Variants in CLSTN2 observed in about 807,000 individuals in gnomAD.
The protein encoded by CLSTN2 is calsyntenin 2.
In CLSTN2, 48 loss-of-function variants were observed where a neutral mutation model predicts 101.2. The ratio of observed to expected loss-of-function variants is 0.47; its 90% CI spans 0.38 to 0.60. The LOEUF is 0.60. CLSTN2 is among the 20% of genes least tolerant of loss of function. CLSTN2 has a pLI of 0.00. For missense variants in CLSTN2, 1,160 were observed against 1,238.2 expected (o/e 0.94, Z 0.95); for synonymous variants, 481 against 463.6 (o/e 1.04, Z -0.48).
rs552581294 is a variant in CLSTN2 at position 140,060,915 on chromosome 3, G to A, written c.110-115036G>A. Among the ~76,000 whole-genome samples the A allele has an allele frequency of 2.0e-5, 3 of 152,268 alleles. No homozygotes were observed. The South Asian group carries it at 6.2e-4, about 32-fold the overall frequency. On this transcript the variant is annotated intron_variant, in intron 1 of 16. Coordinates refer to ENST00000458420, the MANE Select transcript of CLSTN2 (RefSeq NM_022131.3). Reference sequence around the variant, plus strand: ...TGCCAAGCCAAGCAAATCCAGAGAAGGATGAATTTCTGCCTTCAGTGAGTT... The same window carrying A: ...TGCCAAGCCAAGCAAATCCAGAGAAAGATGAATTTCTGCCTTCAGTGAGTT...
At chr3:140,304,758 T>G (rs917031575) in intron 2 of CLSTN2, among the ~76,000 whole-genome samples, 1 of 152,098 alleles carries the variant, frequency 6.6e-6, no homozygotes, top group East Asian at 1.9e-4. Context: ...GGGTTAGTGG[T>G]GTGTAGTGGA....
At chr3:140,069,538 T>C (rs2008356896) in intron 1 of CLSTN2, among the ~76,000 whole-genome samples, 1 of 152,214 alleles carries the variant, frequency 6.6e-6, no homozygotes, top group Non-Finnish European at 1.5e-5. Context: ...CTTCCATGCC[T>C]GAATGACAAG....
chr3:140,087,582 T>C (rs1322789983), intron 1 of CLSTN2, among the ~76,000 whole-genome samples: 3 of 152,232 alleles, frequency 2.0e-5, no homozygotes, highest in Non-Finnish European at 2.9e-5. Context: ...ATTGTTGTGC[T>C]GTGGATAATG....
chr3:140,427,240 T>TATAC (rs2088581760), intron 5 of CLSTN2, among the ~76,000 whole-genome samples: 84 of 123,186 alleles, frequency 6.8e-4, no homozygotes, highest in East Asian at 2.1e-3. Context: ...TATATATATA[T>TATAC]ATATACATAT....
chr3:140,404,570 T>C lies in CLSTN2; in HGVS notation c.441T>C (p.His147=), dbSNP rs778232368. ...TGTGTGGTCCCAGGGCCGTGGTCCA[T>C]ATACAGGTGAAGGATGTCAACGAGT... ...AWKKSHKAVV[H]IQVKDVNEFA... The change falls in exon 4 of 17, where the codon CAT becomes CAC. Residue 147 remains histidine (H), a synonymous_variant. Coordinates refer to ENST00000458420, the MANE Select transcript of CLSTN2 (RefSeq NM_022131.3). 4.3e-6 allele frequency: 7 copies of C among 1,613,998 alleles called. No homozygotes were observed. The African/African-American group carries it at 6.7e-5, about 15-fold the overall frequency.
intron 1 of CLSTN2, among the ~76,000 whole-genome samples, chr3:139,968,242 T>A (rs1560056942): frequency 6.6e-6 from 1 of 152,204 alleles, no homozygotes; most frequent in African/African-American, 2.4e-5. Context: ...TTTGTTCCCT[T>A]GGAACAGTGC....
intron 1 of CLSTN2, among the ~76,000 whole-genome samples, chr3:140,064,628 A>G (rs2008267281): frequency 6.6e-6 from 1 of 152,242 alleles, no homozygotes; most frequent in Non-Finnish European, 1.5e-5. Context: ...TACCTTCTGA[A>G]TCAATGAGAA....
chr3:140,533,143 T>C (rs1031789727), intron 9 of CLSTN2, among the ~76,000 whole-genome samples: 2 of 152,202 alleles, frequency 1.3e-5, no homozygotes, highest in African/African-American at 4.8e-5. Context: ...CTAATCTCCT[T>C]GGGATCAGGA....
In CLSTN2 at chr3:140,404,744, G is replaced by A; in HGVS notation, c.615G>A (p.Val205=). 2 of 1,614,200 alleles carry A rather than the reference G, an allele frequency of 1.2e-6. No individual in the cohort carries two copies. The highest frequency in any genetic ancestry group is 1.1e-5 in the South Asian group (1 of 91,084). The change falls in exon 4 of 17, where the codon GTG becomes GTA. Residue 205 remains valine (V), a synonymous_variant. Coordinates refer to ENST00000458420, the MANE Select transcript of CLSTN2 (RefSeq NM_022131.3). ...ICNYEIVTTD[V]PFAIDRNGNI... ...ACTATGAAATCGTCACCACAGATGT[G>A]CCTTTTGCCATCGACAGAAATGGTG...
intron 1 of CLSTN2, among the ~76,000 whole-genome samples, chr3:140,036,802 G>A (rs1416447637): frequency 2.0e-5 from 3 of 151,726 alleles, no homozygotes; most frequent in Non-Finnish European, 2.9e-5. Context: ...TATTTAGCAT[G>A]TTGTCACTAA....
intron 1 of CLSTN2, among the ~76,000 whole-genome samples, chr3:139,936,630 A>G (rs890484888): frequency 6.6e-6 from 1 of 152,116 alleles, no homozygotes; most frequent in African/African-American, 2.4e-5. Flanking sequence ...GCTACACTTG[A>G]CCACTAGCTT....
At chr3:140,069,039 T>G (rs1335474819) in intron 1 of CLSTN2, among the ~76,000 whole-genome samples, 1 of 152,210 alleles carries the variant, frequency 6.6e-6, no homozygotes, top group Non-Finnish European at 1.5e-5. Flanking sequence ...CTGCCCTTAT[T>G]TTTGTCTACA....
intron 2 of CLSTN2, among the ~76,000 whole-genome samples, chr3:140,303,559 T>G (rs145264721): frequency 6.6e-6 from 1 of 152,154 alleles, no homozygotes; most frequent in Non-Finnish European, 1.5e-5. Flanking sequence ...CAGAGGTCTC[T>G]ACAGTTTACA....
intron 2 of CLSTN2, among the ~76,000 whole-genome samples, chr3:140,348,318 C>A (rs921535502): frequency 2.0e-5 from 3 of 152,190 alleles, no homozygotes; most frequent in African/African-American, 7.2e-5. Flanking sequence ...AGTTTTCCAA[C>A]TTTTAAAACA....
chr3:140,540,170 G>T (rs571844079), intron 9 of CLSTN2, among the ~76,000 whole-genome samples: 1 of 152,280 alleles, frequency 6.6e-6, no homozygotes, highest in East Asian at 1.9e-4. Flanking sequence ...CCAACTCCAC[G>T]AGTTTAGGTT....
chr3:140,526,771 A>G (rs1337110048), intron 8 of CLSTN2, among the ~76,000 whole-genome samples: 1 of 152,146 alleles, frequency 6.6e-6, no homozygotes, highest in Non-Finnish European at 1.5e-5. Context: ...CAGAACCCAG[A>G]AATAAACCTG....
chr3:140,328,253 G>A (rs1392089316), intron 2 of CLSTN2, among the ~76,000 whole-genome samples: 1 of 152,044 alleles, frequency 6.6e-6, no homozygotes, highest in Non-Finnish European at 1.5e-5. Context: ...AATCTTTCCC[G>A]AAGTTCTCAG....
intron 2 of CLSTN2, among the ~76,000 whole-genome samples, chr3:140,216,022 C>G (rs1283255654): frequency 6.6e-6 from 1 of 152,158 alleles, no homozygotes; most frequent in African/African-American, 2.4e-5. Context: ...CACGGGACAG[C>G]AGGAGGTGAG....
intron 10 of CLSTN2, among the ~76,000 whole-genome samples, chr3:140,549,579 A>G (rs1323857558): frequency 6.6e-6 from 1 of 150,592 alleles, no homozygotes; most frequent in Non-Finnish European, 1.5e-5. Context: ...ATTAAATACT[A>G]TGACCCCATT....
Sources: allele counts gnomAD v4.1 joint callset (sites outside exome capture counted in the v4.1 genomes callset), GRCh38; gene constraint gnomAD v4.1.1; transcripts MANE v1.5; gene names NCBI Gene and HGNC (gene_info 2026-07-23, HGNC 2026-07-21).